GEMIN8: variants seen among roughly 807,000 people sequenced by gnomAD.
The protein encoded by GEMIN8 is gem-associated protein 8.
For missense variants in GEMIN8, 185 were observed against 205.9 expected (o/e 0.90, Z 0.62); for synonymous variants, 80 against 78.5 (o/e 1.02, Z -0.10).
chrX:14,006,813 C>T lies in GEMIN8; in HGVS notation c.*2100G>A, dbSNP rs755594585. On this transcript the variant is annotated 3_prime_UTR_variant, in exon 5 of 5. Coordinates refer to ENST00000680255, the MANE Select transcript of GEMIN8 (RefSeq NM_001042479.2). ...CAATGTGGTCCGCACAATGACCCCACGAGAGAATTATTAACACTCATTTTA... is the reference window on the plus strand; with the variant it reads ...CAATGTGGTCCGCACAATGACCCCATGAGAGAATTATTAACACTCATTTTA... Among the ~76,000 whole-genome samples, 19 of 111,645 alleles carry T rather than the reference C, an allele frequency of 1.7e-4. No individual in the cohort carries two copies. Among genetic ancestry groups the T allele is most frequent in the Non-Finnish European group, 2.4e-4 (13 of 53,154 alleles).
the GEMIN8 span, among the ~76,000 whole-genome samples, chrX:13,998,249 AT>A: frequency 3.7e-5 from 4 of 109,078 alleles, no homozygotes; most frequent in East Asian, 2.9e-4. Context: ...TAATTTTTAA[AT>A]TTTTTTTATA....
chrX:14,016,719 C>A (rs1923925771), intron 4 of GEMIN8, among the ~76,000 whole-genome samples: 1 of 104,054 alleles, frequency 9.6e-6, no homozygotes, highest in Non-Finnish European at 2.0e-5. Flanking sequence ...GTGGTTGGCG[C>A]CTGAAATCCC....
the GEMIN8 span, among the ~76,000 whole-genome samples, chrX:14,001,269 T>C: frequency 8.9e-6 from 1 of 111,873 alleles, no homozygotes; most frequent in Non-Finnish European, 1.9e-5. Context: ...TCAGCTCAAC[T>C]TGAAATAGTT....
downstream of GEMIN8, among the ~76,000 whole-genome samples, chrX:14,004,279 T>C (rs1467111303): frequency 1.8e-5 from 2 of 112,345 alleles, no homozygotes; most frequent in East Asian, 2.8e-4. Context: ...TATGCCATCA[T>C]TGAACACTCC....
At chrX:14,011,470 T>G (rs1923529477) in intron 4 of GEMIN8, among the ~76,000 whole-genome samples, 1 of 108,286 alleles carries the variant, frequency 9.2e-6, no homozygotes, top group Non-Finnish European at 1.9e-5. Context: ...ACAGTCCCTC[T>G]GCCATCTATG....
At position 14,008,148 on chromosome X, in the gene GEMIN8, T is replaced by C. The variant is rs796962838; in HGVS notation, c.*765A>G. 8 of 110,564 alleles carry C rather than the reference T, an allele frequency of 7.2e-5. No homozygotes were observed. In the East Asian group the frequency reaches 2.3e-3, roughly 32 times the overall value. 9.1% of individuals were successfully genotyped at this position (110,564 alleles called of 1,213,427 possible). On this transcript the variant is annotated 3_prime_UTR_variant, in exon 5 of 5. Transcript: ENST00000680255. Reference sequence around the variant, plus strand: ...GCACACACCACCATGCCCGGCTCATTTTTTGTATTTTAGTAGCGACGGGTT... The same window carrying C: ...GCACACACCACCATGCCCGGCTCATCTTTTGTATTTTAGTAGCGACGGGTT...
At chrX:13,994,734 C>A in the GEMIN8 span, among the ~76,000 whole-genome samples, 1 of 112,099 alleles carries the variant, frequency 8.9e-6, no homozygotes, top group Non-Finnish European at 1.9e-5. Context: ...AAAACTGTTC[C>A]TCAAACTGTC....
intron 1 of GEMIN8, chrX:14,027,201 T>C (rs1347772388): frequency 8.8e-6 from 1 of 113,041 alleles, no homozygotes; most frequent in East Asian, 2.8e-4. Context: ...AAGAATATAA[T>C]AGGGTTTTGT....
downstream of GEMIN8, among the ~76,000 whole-genome samples, chrX:14,002,329 T>TGATAGATA (rs58599457): frequency 0.015 from 1,479 of 99,543 alleles, 15 homozygotes; most frequent in Middle Eastern, 0.03. Flanking sequence ...GATAGATAGG[T>TGATAGATA]GATAGATAGA....
chrX:14,016,858 A>T lies in GEMIN8; in HGVS notation c.472+3220T>A, dbSNP rs868659972. Among the ~76,000 whole-genome samples, 224 of 80,023 alleles carry T rather than the reference A, an allele frequency of 2.8e-3. 6 individuals carry two copies. The East Asian group carries it at 0.045, about 16-fold the overall frequency. 69.5% of individuals were successfully genotyped at this position (80,023 alleles called of 115,157 possible). On this transcript the variant is annotated intron_variant, in intron 4 of 4. Transcript: ENST00000680255. ...AGAATCTGTCTCAAAAAAAAAAAAA[A>T]AAAAAAAAATATATATATATATATA...
downstream of GEMIN8, among the ~76,000 whole-genome samples, chrX:14,002,722 G>A (rs1453075886): frequency 2.7e-5 from 3 of 111,008 alleles, no homozygotes; most frequent in African/African-American, 6.6e-5. Context: ...GGCTGGTCTC[G>A]AACTCCTGAC....
chrX:14,028,009 A>G (rs1370772011), intron 1 of GEMIN8, among the ~76,000 whole-genome samples: 5 of 112,428 alleles, frequency 4.4e-5, no homozygotes, highest in Non-Finnish European at 7.5e-5. Flanking sequence ...AACAGCAAAA[A>G]CCATGGCTAG....
the GEMIN8 span, among the ~76,000 whole-genome samples, chrX:13,984,281 CTG>C: frequency 8.9e-6 from 1 of 112,188 alleles, no homozygotes. Flanking sequence ...CCCATGGAAA[CTG>C]TGAGATAATA....
At chrX:14,013,969 A>T in intron 4 of GEMIN8, 2 of 706,479 alleles carry the variant, frequency 2.8e-6, no homozygotes, top group Middle Eastern at 8.3e-4. Flanking sequence ...TTTTCACATC[A>T]ATCTATTTGT....
chrX:13,997,724 G>A, the GEMIN8 span, among the ~76,000 whole-genome samples: 1 of 110,246 alleles, frequency 9.1e-6, no homozygotes, highest in African/African-American at 3.3e-5. Context: ...GCAAAACGCC[G>A]TCTCTACTAA....
downstream of GEMIN8, among the ~76,000 whole-genome samples, chrX:14,003,869 C>G (rs1200246394): frequency 8.9e-6 from 1 of 112,326 alleles, no homozygotes; most frequent in African/African-American, 3.2e-5. Context: ...ATAAAGTAAA[C>G]ATTTCCTGTA....
downstream of GEMIN8, among the ~76,000 whole-genome samples, chrX:14,004,064 C>T (rs143373502): frequency 9.3e-3 from 1,040 of 112,339 alleles, 11 homozygotes; most frequent in South Asian, 0.017. Context: ...TCAGAACTAA[C>T]CACTATTCTG....
intron 4 of GEMIN8, among the ~76,000 whole-genome samples, chrX:14,011,514 CTCTT>C (rs1407584830): frequency 1.1e-3 from 92 of 82,029 alleles, no homozygotes; most frequent in Middle Eastern, 6.5e-3. Flanking sequence ...TCCTATGGCT[CTCTT>C]TTTTTTTTTT....
chrX:13,992,092 A>C, the GEMIN8 span, among the ~76,000 whole-genome samples: 4 of 112,507 alleles, frequency 3.6e-5, no homozygotes, highest in Non-Finnish European at 7.5e-5. Flanking sequence ...ATGAAGCCTG[A>C]TGGGAACTCA....
Sources: allele counts gnomAD v4.1 joint callset (sites outside exome capture counted in the v4.1 genomes callset), GRCh38; gene constraint gnomAD v4.1.1; transcripts MANE v1.5; gene names NCBI Gene and HGNC (gene_info 2026-07-23, HGNC 2026-07-21).